The following IGSF21 variants were observed in gnomAD, a reference collection of about 807,000 sequenced individuals.
The protein encoded by IGSF21 is immunoglobulin superfamily member 21.
A neutral mutation model predicts 46.8 loss-of-function variants in IGSF21; 28 were observed. The observed-to-expected ratio is 0.60, with a 90% CI of 0.44 to 0.82. The LOEUF (loss-of-function observed/expected upper bound fraction) is 0.82, where lower values mean the gene tolerates loss of function less well. Ranked by LOEUF, IGSF21 falls within the 40% of genes least tolerant of loss-of-function variation. The probability of loss-of-function intolerance (pLI) is 0.00; values close to 1 mark genes in which losing one functional copy is unlikely to be tolerated. For missense variants in IGSF21, 624 were observed against 665.5 expected (o/e 0.94, Z 0.69); for synonymous variants, 284 against 273.6 (o/e 1.04, Z -0.38).
At chr1:18,344,993 C>T (rs1240027380) in intron 4 of IGSF21, among the ~76,000 whole-genome samples, 1 of 152,188 alleles carries the variant, frequency 6.6e-6, no homozygotes, top group Non-Finnish European at 1.5e-5. Context: ...CAGAGAATTC[C>T]CAGAGCACTG....
intron 3 of IGSF21, among the ~76,000 whole-genome samples, chr1:18,308,068 C>T (rs1394242596): frequency 6.6e-6 from 1 of 152,210 alleles, no homozygotes; most frequent in African/African-American, 2.4e-5. Context: ...GAGCCTCTCT[C>T]TTCCATGGTT....
At chr1:18,280,142 C>A (rs2085144639) in intron 2 of IGSF21, among the ~76,000 whole-genome samples, 1 of 152,092 alleles carries the variant, frequency 6.6e-6, no homozygotes, top group Admixed American at 6.6e-5. Context: ...CATGGGGAGA[C>A]CTTGTAGGGG....
intron 2 of IGSF21, among the ~76,000 whole-genome samples, chr1:18,231,833 G>A (rs1392736045): frequency 6.6e-6 from 1 of 152,000 alleles, no homozygotes; most frequent in East Asian, 1.9e-4. Flanking sequence ...ATAGCAGTGA[G>A]TGATCATTGA....
chr1:18,235,637 G>A (rs1219468922), intron 2 of IGSF21, among the ~76,000 whole-genome samples: 4 of 152,190 alleles, frequency 2.6e-5, no homozygotes, highest in Non-Finnish European at 5.9e-5. Context: ...GGAACAAAAC[G>A]AATAGGGGGT....
chr1:18,268,784 G>A (rs554068052), intron 2 of IGSF21, among the ~76,000 whole-genome samples: 1 of 152,336 alleles, frequency 6.6e-6, no homozygotes, highest in African/African-American at 2.4e-5. Context: ...CAGGGTTGGA[G>A]AAAGGGCTGA....
chr1:18,305,619 T>G (rs1465778948), intron 3 of IGSF21, among the ~76,000 whole-genome samples: 3 of 151,988 alleles, frequency 2.0e-5, no homozygotes, highest in African/African-American at 7.2e-5. Context: ...GATGGATGGA[T>G]GGATGAGCTT....
At chr1:18,200,915 C>A (rs976535808) in intron 1 of IGSF21, among the ~76,000 whole-genome samples, 12 of 152,256 alleles carry the variant, frequency 7.9e-5, no homozygotes, top group African/African-American at 2.9e-4. Flanking sequence ...AGGGGTCCAC[C>A]TTTGCTCTTC....
chr1:18,225,439 T>C (rs890985598), intron 1 of IGSF21, among the ~76,000 whole-genome samples: 2 of 152,114 alleles, frequency 1.3e-5, no homozygotes, highest in Non-Finnish European at 2.9e-5. Context: ...AATTCCCTCA[T>C]GGCTTGCCAA....
intron 3 of IGSF21, among the ~76,000 whole-genome samples, chr1:18,333,744 C>T (rs576817155): frequency 6.6e-6 from 1 of 152,318 alleles, no homozygotes; most frequent in South Asian, 2.1e-4. Context: ...AACATACCAA[C>T]TCATTTTCAC....
At chr1:18,190,175 C>T (rs533060731) in intron 1 of IGSF21, among the ~76,000 whole-genome samples, 7 of 152,334 alleles carry the variant, frequency 4.6e-5, no homozygotes, top group Admixed American at 3.9e-4. Flanking sequence ...ACACAAAGCC[C>T]TGCCTCTTCC....
At chr1:18,313,994 AT>A (rs2085515905) in intron 3 of IGSF21, among the ~76,000 whole-genome samples, 1 of 152,170 alleles carries the variant, frequency 6.6e-6, no homozygotes, top group Non-Finnish European at 1.5e-5. Flanking sequence ...CCATGTTGTG[AT>A]ATAACTTTCT....
At chr1:18,228,062 G>A (rs1391145012) in intron 2 of IGSF21, 52 bp downstream of exon 2, 3 of 1,387,782 alleles carry the variant, frequency 2.2e-6, no homozygotes, top group Non-Finnish European at 3.1e-6. Flanking sequence ...CTGGTGTGAG[G>A]TCCTCAGAGC....
chr1:18,327,590 C>T (rs2085670070), intron 3 of IGSF21, among the ~76,000 whole-genome samples: 1 of 152,108 alleles, frequency 6.6e-6, no homozygotes, highest in Admixed American at 6.5e-5. Context: ...GTGAAGGCAA[C>T]AACATGAATG....
Position 18,290,634 on chromosome 1 carries a change from G to C in IGSF21, c.184-1232G>C, listed in dbSNP as rs986062039. On this transcript the variant is annotated intron_variant, in intron 2 of 9. Coordinates refer to ENST00000251296, the MANE Select transcript of IGSF21 (RefSeq NM_032880.5). The surrounding 1 kb of genome is among the most constrained non-coding windows in gnomAD (Gnocchi z 4.2). ...CCTAAACCAGTAGCAACACCACCTA[G>C]GTCAGAGAGATGTGGTCCAAGTCAG... Among the ~76,000 whole-genome samples, 1 of 152,172 alleles carries C rather than the reference G, an allele frequency of 6.6e-6. No individual in the cohort carries two copies. Among genetic ancestry groups the C allele is most frequent in the African/African-American group, 2.4e-5 (1 of 41,428 alleles).
intron 3 of IGSF21, among the ~76,000 whole-genome samples, chr1:18,332,520 A>G (rs2085724236): frequency 6.6e-6 from 1 of 151,644 alleles, no homozygotes; most frequent in Non-Finnish European, 1.5e-5. Context: ...TTTATCTAAA[A>G]TATGTCACTC....
chr1:18,300,950 C>A (rs546842175), intron 3 of IGSF21, among the ~76,000 whole-genome samples: 1 of 152,342 alleles, frequency 6.6e-6, no homozygotes, highest in East Asian at 1.9e-4. Context: ...TCTCTGGGTC[C>A]TCCATGCTCA....
intron 2 of IGSF21, among the ~76,000 whole-genome samples, chr1:18,283,171 C>A (rs1401108567): frequency 6.6e-6 from 1 of 152,194 alleles, no homozygotes; most frequent in African/African-American, 2.4e-5. Context: ...CATCTCTGAG[C>A]TGCTGTCTGC....
chr1:18,246,826 G>C (rs945003118), intron 2 of IGSF21, among the ~76,000 whole-genome samples: 13 of 152,108 alleles, frequency 8.5e-5, no homozygotes, highest in Non-Finnish European at 1.8e-4. Flanking sequence ...CCAGGCTCTT[G>C]GCAGACTCTG....
chr1:18,322,636 C>T lies in IGSF21; in HGVS notation c.306-12256C>T, dbSNP rs148613363. The stretch of plus-strand genomic sequence containing the variant: ...CTTTTTCTGAAGAGCACGTGCCCCA[C>T]GCCCCCTGCCTGCCAGTCCTGGGAT... On this transcript the variant is annotated intron_variant, in intron 3 of 9. Coordinates refer to ENST00000251296, the MANE Select transcript of IGSF21 (RefSeq NM_032880.5). This position sits in a 1 kb window ranked among gnomAD's most constrained non-coding sequence, Gnocchi z 4.3. Among the ~76,000 whole-genome samples, 668 of 152,304 alleles carry T rather than the reference C, an allele frequency of 4.4e-3. 10 individuals are homozygous for T. Among genetic ancestry groups the T allele is most frequent in the Admixed American group, 5.0e-3 (77 of 15,304 alleles).
Sources: gnomAD v4.1 joint callset for allele counts (sites outside exome capture counted in the v4.1 genomes callset) on GRCh38, gnomAD v4.1.1 for gene constraint, Gnocchi (gnomAD v3.1) non-coding constraint, MANE v1.5 for transcripts, NCBI Gene and HGNC (gene_info 2026-07-23, HGNC 2026-07-21) for gene names.